Variants in FAM90A20 observed in about 807,000 individuals in gnomAD.
The protein encoded by FAM90A20 is family with sequence similarity 90 member A20.
chr8:7,297,586 C>T, the FAM90A20 span: 4 of 1,505,522 alleles, frequency 2.7e-6, no homozygotes, highest in South Asian at 4.5e-5. Flanking sequence ...CCGAAAGCAC[C>T]ATCCAGGGAG....
chr8:7,297,133 C>G, the FAM90A20 span: 6 of 1,522,658 alleles, frequency 3.9e-6, no homozygotes, highest in Admixed American at 3.4e-5. Context: ...TCTCTGGTCG[C>G]TCAGCTACCG....
At chr8:7,296,429 A>C in the FAM90A20 span, 685 of 722,120 alleles carry the variant, frequency 9.5e-4, 59 homozygotes, top group East Asian at 4.3e-3. Context: ...TGGTCCTTTT[A>C]TCCTCTAGGT....
At chr8:7,297,446 G>T in the FAM90A20 span, 2 of 1,554,016 alleles carry the variant, frequency 1.3e-6, no homozygotes, top group Non-Finnish European at 8.7e-7. Context: ...CTGCCCATCA[G>T]CCGCCACACA....
the FAM90A20 span, chr8:7,297,247 T>A: frequency 1.0e-5 from 15 of 1,472,618 alleles, 1 homozygote; most frequent in East Asian, 9.0e-5. Context: ...AGACAGGGGC[T>A]GCCGCCGACA....
At chr8:7,297,932 G>C in the FAM90A20 span, 1 of 701,496 alleles carries the variant, frequency 1.4e-6, no homozygotes, top group South Asian at 1.5e-5. Flanking sequence ...AGAGAAGTCT[G>C]AGGCTCCCTG....
the FAM90A20 span, among the ~76,000 whole-genome samples, chr8:7,296,818 C>G: frequency 2.9e-5 from 4 of 136,074 alleles, no homozygotes; most frequent in African/African-American, 1.4e-4. Flanking sequence ...CAGTTAATGC[C>G]CAAGACGCAA....
At chr8:7,296,194 C>A in the FAM90A20 span, 3 of 652,480 alleles carry the variant, frequency 4.6e-6, 1 homozygote, top group Non-Finnish European at 8.3e-6. Context: ...ATTTCTGTAT[C>A]ACAAGACACG....
At chr8:7,296,055 C>T in the FAM90A20 span, among the ~76,000 whole-genome samples, 2 of 130,222 alleles carry the variant, frequency 1.5e-5, 1 homozygote, top group South Asian at 4.5e-4. Flanking sequence ...TGCAGGTTCC[C>T]CACGACAGGG....
chr8:7,297,121 C>A, the FAM90A20 span: 2 of 1,509,988 alleles, frequency 1.3e-6, no homozygotes, highest in Non-Finnish European at 1.8e-6. Context: ...TGGACCCTGT[C>A]CTCTCTGGTC....
the FAM90A20 span, chr8:7,296,402 G>T: frequency 1.3e-6 from 1 of 742,574 alleles, no homozygotes; most frequent in East Asian, 2.5e-5. Context: ...CTGAGGGTGA[G>T]TGTCACCCCG....
At chr8:7,296,722 C>T in the FAM90A20 span, among the ~76,000 whole-genome samples, 3 of 135,648 alleles carry the variant, frequency 2.2e-5, 1 homozygote, top group African/African-American at 1.1e-4. Context: ...AGAAGACGTC[C>T]CGAGTACCCT....
the FAM90A20 span, among the ~76,000 whole-genome samples, chr8:7,296,905 G>C: frequency 1.5e-5 from 2 of 137,222 alleles, no homozygotes; most frequent in Admixed American, 1.3e-4. Context: ...TTCCTGATCA[G>C]CACTCAGGTG....
At chr8:7,297,317 C>A in the FAM90A20 span, 1 of 1,357,978 alleles carries the variant, frequency 7.4e-7, no homozygotes, top group South Asian at 1.2e-5. Flanking sequence ...GGAGCCGACA[C>A]ACAGCAGCCC....
the FAM90A20 span, chr8:7,295,962 G>A: frequency 5.3e-5 from 28 of 529,698 alleles, 2 homozygotes; most frequent in Non-Finnish European, 8.5e-5. Flanking sequence ...ATAGGCCGGA[G>A]CTCCGTGTCC....
chr8:7,295,894 G>T, the FAM90A20 span: 12 of 625,298 alleles, frequency 1.9e-5, 1 homozygote, highest in East Asian at 2.4e-4. Context: ...TGGTGTCTCT[G>T]CACCTGCACA....
At chr8:7,296,644 G>A in the FAM90A20 span, among the ~76,000 whole-genome samples, 2 of 135,256 alleles carry the variant, frequency 1.5e-5, no homozygotes, top group Non-Finnish European at 3.0e-5. Flanking sequence ...CTAGCGGCAT[G>A]AGGAAATTAG....
the FAM90A20 span, chr8:7,297,607 G>C: frequency 2.7e-5 from 40 of 1,460,360 alleles, 4 homozygotes; most frequent in African/African-American, 8.4e-5. Flanking sequence ...GTGAGCTGGG[G>C]GCCCCGGAGA....
chr8:7,297,014 G>C, the FAM90A20 span: 1 of 1,425,370 alleles, frequency 7.0e-7, no homozygotes, highest in East Asian at 2.5e-5. Flanking sequence ...TTTTCATGTT[G>C]GCTCCATGCT....
At chr8:7,295,862 A>C in the FAM90A20 span, 1 of 680,020 alleles carries the variant, frequency 1.5e-6, no homozygotes, top group Admixed American at 2.0e-5. Flanking sequence ...CACCACTCTT[A>C]GGGTACTGCC....
Sources: gnomAD v4.1 joint callset for allele counts (sites outside exome capture counted in the v4.1 genomes callset) on GRCh38, gnomAD v4.1.1 for gene constraint, MANE v1.5 for transcripts, NCBI Gene and HGNC (gene_info 2026-07-23, HGNC 2026-07-21) for gene names.